TANC2: variants seen among roughly 807,000 people sequenced by gnomAD.
TANC2 encodes the protein tetratricopeptide repeat, ankyrin repeat and coiled-coil containing 2.
A neutral mutation model predicts 210.5 loss-of-function variants in TANC2; 26 were observed. The observed-to-expected ratio is 0.12, with a 90% confidence interval of 0.09 to 0.17. The LOEUF is 0.17. Ranked by LOEUF, TANC2 falls within the 10% of genes least tolerant of loss-of-function variation. The pLI is 1.00. For missense variants in TANC2, 2,129 were observed against 2,608.9 expected (o/e 0.82, Z 4.01); for synonymous variants, 931 against 967.1 (o/e 0.96, Z 0.69).
intron 9 of TANC2, among the ~76,000 whole-genome samples, chr17:63,309,096 G>T (rs1330562411): frequency 3.3e-5 from 5 of 151,900 alleles, no homozygotes; most frequent in Non-Finnish European, 7.4e-5. Context: ...TAATGTCTGT[G>T]TAATTTTTGG....
At chr17:62,990,265 G>A (rs2032791908) in intron 1 of TANC2, among the ~76,000 whole-genome samples, 1 of 151,980 alleles carries the variant, frequency 6.6e-6, no homozygotes, top group Admixed American at 6.6e-5. Context: ...GAACTAGGAG[G>A]AGAGGACACT....
At chr17:63,399,916 A>G (rs1042357474) in intron 19 of TANC2, among the ~76,000 whole-genome samples, 1 of 152,220 alleles carries the variant, frequency 6.6e-6, no homozygotes, top group Non-Finnish European at 1.5e-5. Flanking sequence ...TCCTTTTGTA[A>G]GATCCAAAGG....
chr17:63,110,514 A>G (rs2037995419), intron 4 of TANC2, among the ~76,000 whole-genome samples: 1 of 151,660 alleles, frequency 6.6e-6, no homozygotes, highest in Non-Finnish European at 1.5e-5. Context: ...GTCTAAGATC[A>G]AGGCACCAGC....
chr17:63,361,260 GT>G (rs1261183079), intron 14 of TANC2, among the ~76,000 whole-genome samples: 1 of 152,202 alleles, frequency 6.6e-6, no homozygotes, highest in African/African-American at 2.4e-5. Flanking sequence ...TTCTGCCTGA[GT>G]ATTGCTCACA....
chr17:63,271,972 T>G (rs1195701353), intron 9 of TANC2, among the ~76,000 whole-genome samples: 1 of 152,132 alleles, frequency 6.6e-6, no homozygotes, highest in African/African-American at 2.4e-5. Flanking sequence ...TGTTTGTCAA[T>G]TTTTGCTTTT....
chr17:63,106,738 C>T (rs2037838308), intron 4 of TANC2, among the ~76,000 whole-genome samples: 1 of 151,778 alleles, frequency 6.6e-6, no homozygotes, highest in Non-Finnish European at 1.5e-5. Context: ...TTTGCACACA[C>T]TGGATTTCAA....
chr17:63,379,636 T>C (rs753558341), intron 14 of TANC2, 82 bp from the exon 15 acceptor site: 1 of 1,139,354 alleles, frequency 8.8e-7, no homozygotes, highest in Non-Finnish European at 1.2e-6. Context: ...GCCACCGCAC[T>C]CTAGTCTGGG....
chr17:63,379,668 C>CAATA (rs1472377253), intron 14 of TANC2, 50 bp from the exon 15 acceptor site: 12 of 1,419,576 alleles, frequency 8.5e-6, no homozygotes, highest in Non-Finnish European at 1.2e-5. Flanking sequence ...GACTCCATCT[C>CAATA]AATAAATAAA....
chr17:63,246,058 A>G (rs2146116307), intron 8 of TANC2, among the ~76,000 whole-genome samples: 1 of 152,036 alleles, frequency 6.6e-6, no homozygotes, highest in East Asian at 1.9e-4. Flanking sequence ...TCTCTGCAGA[A>G]GGATTTTCTC....
At chr17:62,992,027 A>T (rs2032896107) in intron 1 of TANC2, among the ~76,000 whole-genome samples, 1 of 152,238 alleles carries the variant, frequency 6.6e-6, no homozygotes, top group Non-Finnish European at 1.5e-5. Flanking sequence ...ATGCAAATAT[A>T]GATACGTATT....
rs766641453 is a variant in TANC2 at position 63,194,112 on chromosome 17, C to T, written c.555C>T (p.Tyr185=). The stretch of plus-strand genomic sequence containing the variant: ...CAGAAGTTCAGCCAGGTGACCAATA[C>T]AGCATGGAAGTACAGGATGAAAATC... The change falls in exon 6 of 28, where the codon TAC becomes TAT. Residue 185 remains tyrosine (Y), a synonymous_variant. Transcript: ENST00000689528. The T allele has an allele frequency of 2.4e-5, 39 of 1,613,266 alleles. No individual in the cohort carries two copies. In the South Asian group the frequency reaches 4.0e-4, roughly 16 times the overall value.
At position 63,254,911 on chromosome 17, in the gene TANC2, A is replaced by G. The variant is rs148329952; in HGVS notation, c.1034-12837A>G. Among the ~76,000 whole-genome samples, 77 of 152,144 alleles carry G rather than the reference A, an allele frequency of 5.1e-4. 1 individual carries two copies. The highest frequency in any genetic ancestry group is 1.7e-3 in the African/African-American group (69 of 41,534). ...GTTGAGGATTTTTGCATCAGTGTTC[A>G]TCAGGAATATTGGCCTGTGGTTTTC... On this transcript the variant is annotated intron_variant, in intron 8 of 27. Coordinates refer to ENST00000689528, the Ensembl canonical transcript of TANC2.
At chr17:63,187,327 G>A (rs1173249743) in intron 5 of TANC2, among the ~76,000 whole-genome samples, 1 of 152,182 alleles carries the variant, frequency 6.6e-6, no homozygotes, top group Non-Finnish European at 1.5e-5. Context: ...TATTTGTAAA[G>A]TATGGATAAT....
At chr17:63,065,663 T>C (rs2036169071) in intron 2 of TANC2, among the ~76,000 whole-genome samples, 1 of 152,230 alleles carries the variant, frequency 6.6e-6, no homozygotes, top group Non-Finnish European at 1.5e-5. Flanking sequence ...TTGGGCATGT[T>C]TATATATACA....
At chr17:63,308,035 G>T (rs558854002) in intron 9 of TANC2, among the ~76,000 whole-genome samples, 3 of 152,254 alleles carry the variant, frequency 2.0e-5, no homozygotes, top group African/African-American at 7.2e-5. Flanking sequence ...AAAGTGCTGG[G>T]ATTACAGGGG....
intron 3 of TANC2, among the ~76,000 whole-genome samples, chr17:63,086,533 T>C (rs531810717): frequency 2.4e-4 from 37 of 152,350 alleles, no homozygotes; most frequent in Non-Finnish European, 4.6e-4. Flanking sequence ...GTACGTTTTC[T>C]TATTCTTTCA....
chr17:62,985,700 GA>G (rs1290297464), intron 1 of TANC2, among the ~76,000 whole-genome samples: 2 of 151,974 alleles, frequency 1.3e-5, no homozygotes, highest in East Asian at 3.9e-4. Context: ...TTCATCCATA[GA>G]ATTTGTATTT....
At chr17:63,233,114 GA>G (rs1347663412) in intron 7 of TANC2, among the ~76,000 whole-genome samples, 1 of 152,176 alleles carries the variant, frequency 6.6e-6, no homozygotes, top group Non-Finnish European at 1.5e-5. Flanking sequence ...ACCAGTAGGG[GA>G]AAAACAGCAG....
intron 9 of TANC2, among the ~76,000 whole-genome samples, chr17:63,291,216 G>A (rs2044373760): frequency 6.6e-6 from 1 of 152,152 alleles, no homozygotes. Flanking sequence ...TATGACAGTA[G>A]CCTTTAAACA....
Sources: allele counts gnomAD v4.1 joint callset (sites outside exome capture counted in the v4.1 genomes callset), GRCh38; gene constraint gnomAD v4.1.1; transcripts MANE v1.5; gene names NCBI Gene and HGNC (gene_info 2026-07-23, HGNC 2026-07-21).